GRIN2A: variants seen among roughly 807,000 people sequenced by gnomAD.
The protein encoded by GRIN2A is glutamate receptor ionotropic, NMDA 2A.
Under a neutral mutation model 113.4 loss-of-function variants are expected in GRIN2A, and 22 were observed. The ratio of observed to expected loss-of-function variants is 0.19; its 90% CI spans 0.14 to 0.28. The LOEUF (loss-of-function observed/expected upper bound fraction) is 0.28, where lower values mean the gene tolerates loss of function less well. GRIN2A is among the 10% of genes least tolerant of loss of function. The probability of loss-of-function intolerance (pLI) is 1.00; values close to 1 mark genes in which losing one functional copy is unlikely to be tolerated. For synonymous variants in GRIN2A, 827 were observed against 738.4 expected, an observed-to-expected ratio of 1.12 and a Z score of -1.94; for missense variants, 1,502 against 1,887.0, an observed-to-expected ratio of 0.80 and a Z score of 3.78.
At chr16:10,107,320 C>G (rs898963562) in intron 2 of GRIN2A, among the ~76,000 whole-genome samples, 1 of 152,152 alleles carries the variant, frequency 6.6e-6, no homozygotes, top group African/African-American at 2.4e-5. Flanking sequence ...TCTGTCTCCC[C>G]CAAAGGAAAC....
At chr16:10,171,676 C>A (rs1401257371) in intron 2 of GRIN2A, 1 of 152,204 alleles carries the variant, frequency 6.6e-6, no homozygotes, top group Admixed American at 6.5e-5. Flanking sequence ...TCCTTAATCA[C>A]TCTTTCTGGT....
At chr16:9,860,574 T>G (rs2043050452) in intron 4 of GRIN2A, among the ~76,000 whole-genome samples, 1 of 152,044 alleles carries the variant, frequency 6.6e-6, no homozygotes, top group Non-Finnish European at 1.5e-5. Flanking sequence ...ACTGAAGACC[T>G]TACTGAAATC....
chr16:10,083,135 C>T (rs2048016241), intron 2 of GRIN2A, among the ~76,000 whole-genome samples: 1 of 152,170 alleles, frequency 6.6e-6, no homozygotes, highest in African/African-American at 2.4e-5. Flanking sequence ...AACCTCAAAC[C>T]TCAAACCACT....
chr16:9,972,118 A>C (rs1272540144), intron 2 of GRIN2A, among the ~76,000 whole-genome samples: 2 of 152,218 alleles, frequency 1.3e-5, no homozygotes, highest in Non-Finnish European at 2.9e-5. Flanking sequence ...AACTCTGCCC[A>C]AGCCTCTGGC....
intron 2 of GRIN2A, among the ~76,000 whole-genome samples, chr16:10,103,919 G>C (rs2048446168): frequency 6.6e-6 from 1 of 152,140 alleles, no homozygotes; most frequent in Non-Finnish European, 1.5e-5. Flanking sequence ...TCCACTCTCA[G>C]AAATGCAAAC....
chr16:9,974,551 A>C (rs1258111641), intron 2 of GRIN2A, among the ~76,000 whole-genome samples: 1 of 151,980 alleles, frequency 6.6e-6, no homozygotes, highest in Non-Finnish European at 1.5e-5. Context: ...GGGGAGCTCA[A>C]CTCTTGAGAC....
chr16:9,944,554 A>G (rs891682834), intron 2 of GRIN2A, among the ~76,000 whole-genome samples: 6 of 152,204 alleles, frequency 3.9e-5, no homozygotes, highest in Non-Finnish European at 8.8e-5. Flanking sequence ...TCTATATAGC[A>G]TACAGTGGGA....
At chr16:10,158,832 A>G (rs1313248640) in intron 2 of GRIN2A, among the ~76,000 whole-genome samples, 1 of 152,204 alleles carries the variant, frequency 6.6e-6, no homozygotes, top group East Asian at 1.9e-4. Flanking sequence ...CTGGACCTAG[A>G]TGGAGGTGCT....
intron 2 of GRIN2A, among the ~76,000 whole-genome samples, chr16:10,055,261 G>A (rs989639512): frequency 1.3e-5 from 2 of 151,762 alleles, no homozygotes; most frequent in Non-Finnish European, 2.9e-5. Context: ...AAGGAGATAA[G>A]GGAATGAAAT....
intron 2 of GRIN2A, among the ~76,000 whole-genome samples, chr16:10,140,123 T>C (rs1384574019): frequency 6.6e-6 from 1 of 152,240 alleles, no homozygotes; most frequent in Non-Finnish European, 1.5e-5. Context: ...TGCTTTGGGC[T>C]GGAATATATA....
At chr16:10,170,198 C>T (rs746496525) in intron 2 of GRIN2A, among the ~76,000 whole-genome samples, 20 of 152,150 alleles carry the variant, frequency 1.3e-4, no homozygotes, top group Non-Finnish European at 2.6e-4. Flanking sequence ...TGCAGTACAC[C>T]GGTTCATGAC....
At chr16:10,056,605 G>A (rs1242990540) in intron 2 of GRIN2A, among the ~76,000 whole-genome samples, 2 of 152,078 alleles carry the variant, frequency 1.3e-5, no homozygotes, top group African/African-American at 2.4e-5. Flanking sequence ...ATTAATATGA[G>A]GTCATACTGA....
At chr16:9,893,906 GTGTT>G (rs1173954794) in intron 3 of GRIN2A, among the ~76,000 whole-genome samples, 2 of 152,194 alleles carry the variant, frequency 1.3e-5, no homozygotes, top group Non-Finnish European at 2.9e-5. Context: ...AAAAAACACA[GTGTT>G]TGTCTTCTTT....
chr16:9,869,556 T>G (rs1291341254), intron 4 of GRIN2A, among the ~76,000 whole-genome samples: 1 of 152,204 alleles, frequency 6.6e-6, no homozygotes, highest in African/African-American at 2.4e-5. Flanking sequence ...GAAAATGATG[T>G]GGATTTTGGA....
At chr16:10,042,602 C>G (rs2047185020) in intron 2 of GRIN2A, among the ~76,000 whole-genome samples, 1 of 152,180 alleles carries the variant, frequency 6.6e-6, no homozygotes, top group African/African-American at 2.4e-5. Flanking sequence ...ATAATAAATG[C>G]TTGTTGCTTC....
chr16:9,878,938 G>A (rs2043425284), intron 4 of GRIN2A, among the ~76,000 whole-genome samples: 1 of 152,040 alleles, frequency 6.6e-6, no homozygotes, highest in Non-Finnish European at 1.5e-5. Context: ...TCAGTTGAAT[G>A]TGTTAATTTG....
rs376793540 is a variant in GRIN2A at position 10,153,566 on chromosome 16, C to T, written c.414+26432G>A. ...CTCTACTATAGTTAGGGTGATTTTACATATTTCTGCCTTGTTTCTTGTGCT... is the reference window on the plus strand; with the variant it reads ...CTCTACTATAGTTAGGGTGATTTTATATATTTCTGCCTTGTTTCTTGTGCT... On this transcript the variant is annotated intron_variant, in intron 2 of 12. Coordinates refer to ENST00000330684, the MANE Select transcript of GRIN2A (RefSeq NM_001134407.3). Among the ~76,000 whole-genome samples, 19 of 152,280 alleles carry T rather than the reference C, an allele frequency of 1.2e-4. No individual in the cohort carries two copies. In the East Asian group the frequency reaches 3.7e-3, roughly 29 times the overall value.
intron 4 of GRIN2A, among the ~76,000 whole-genome samples, chr16:9,889,375 G>T (rs924405296): frequency 1.3e-5 from 2 of 151,798 alleles, no homozygotes; most frequent in Admixed American, 1.3e-4. Flanking sequence ...GATCATTATT[G>T]CTAGCGACTG....
chr16:9,970,341 C>G (rs2045646301), intron 2 of GRIN2A, among the ~76,000 whole-genome samples: 1 of 152,280 alleles, frequency 6.6e-6, no homozygotes, highest in African/African-American at 2.4e-5. Context: ...AAGTTTAAAG[C>G]TAGGAAATAG....
Sources: allele counts gnomAD v4.1 joint callset (sites outside exome capture counted in the v4.1 genomes callset), GRCh38; gene constraint gnomAD v4.1.1; transcripts MANE v1.5; gene names NCBI Gene and HGNC (gene_info 2026-07-23, HGNC 2026-07-21).